The following PECR variants were observed in gnomAD, a reference collection of about 807,000 sequenced individuals.
PECR encodes the protein peroxisomal trans-2-enoyl-CoA reductase, also known as 2,4-dienoyl-CoA reductase-related protein.
Under a neutral mutation model 35.3 loss-of-function variants are expected in PECR, and 30 were observed. The observed-to-expected ratio is 0.85, with a 90% CI of 0.64 to 1.15. PECR has a LOEUF of 1.15. Ranked by LOEUF, PECR falls within the 50% of genes most tolerant of loss-of-function variation. PECR has a pLI of 0.00. For missense variants in PECR, 392 were observed against 370.8 expected, an observed-to-expected ratio of 1.06 and a Z score of -0.47; for synonymous variants, 148 against 138.9, an observed-to-expected ratio of 1.07 and a Z score of -0.46.
intron 1 of PECR, among the ~76,000 whole-genome samples, chr2:216,068,525 T>C (rs976269704): frequency 1.3e-5 from 2 of 152,098 alleles, no homozygotes; most frequent in Admixed American, 1.3e-4. Context: ...GCTGGAAGAA[T>C]TCATCAAGGT....
intron 1 of PECR, among the ~76,000 whole-genome samples, chr2:216,069,934 CA>C (rs35689726): frequency 1.8e-3 from 178 of 101,290 alleles, no homozygotes; most frequent in South Asian, 3.5e-3. Flanking sequence ...AAGACTCTGT[CA>C]AAAAAAAAAA....
chr2:216,058,015 C>A lies in PECR; in HGVS notation c.506+880G>T, dbSNP rs374976644. 6 of 152,330 alleles carry A rather than the reference C, an allele frequency of 3.9e-5. No individual in the cohort carries two copies. In the East Asian group the frequency reaches 9.6e-4, roughly 24 times the overall value. The allele number at this position is 152,330 out of a possible 1,614,324, so 9.4% of individuals were successfully genotyped here. A position where few individuals can be genotyped will look rare whatever the true frequency, so the allele number is the denominator to read the frequency against. On this transcript the variant is annotated intron_variant, in intron 4 of 7. Transcript: ENST00000265322. ...TAGAGACAGCCTGCCTGAGAATGTA[C>A]GCAGACATGAAGAAAGCAAAACCAA...
Position 216,044,020 on chromosome 2 carries a change from A to C in PECR, c.715-5T>G. 2.7e-6 allele frequency: 4 copies of C among 1,493,714 alleles called. No homozygotes were observed. The highest frequency in any genetic ancestry group is 3.7e-6 in the Non-Finnish European group (4 of 1,070,040). 92.5% of individuals were successfully genotyped at this position (1,493,714 alleles called of 1,614,324 possible). A position where few individuals can be genotyped will look rare whatever the true frequency, so the allele number is the denominator to read the frequency against. ...GAAGCAGACCACAGAGGAGACCTGG[A>C]AACAGAAACACACATGTGCATAGGT... On this transcript the variant is annotated splice_region_variant and splice_polypyrimidine_tract_variant and intron_variant, in intron 6 of 7. Coordinates refer to ENST00000265322, the MANE Select transcript of PECR (RefSeq NM_018441.6).
intron 7 of PECR, 75 bp from the exon 8 acceptor site, chr2:216,039,435 T>C: frequency 2.4e-6 from 2 of 839,262 alleles, no homozygotes; most frequent in South Asian, 2.6e-5. Context: ...AATCCTCTTG[T>C]TAATTTCCCT....
At chr2:216,058,708 T>A (rs1308193546) in intron 4 of PECR, among the ~76,000 whole-genome samples, 187 bp downstream of exon 4, 1 of 152,180 alleles carries the variant, frequency 6.6e-6, no homozygotes, top group African/African-American at 2.4e-5. Context: ...GCAGTCCGCA[T>A]CTGGATGAAA....
intron 5 of PECR, among the ~76,000 whole-genome samples, chr2:216,050,541 C>T (rs961107230): frequency 1.3e-5 from 2 of 152,182 alleles, no homozygotes; most frequent in African/African-American, 2.4e-5. Context: ...TAACTTCATG[C>T]TTGAAGTCAG....
chr2:216,045,794 G>A (rs1470237088), intron 6 of PECR, among the ~76,000 whole-genome samples: 2 of 152,202 alleles, frequency 1.3e-5, no homozygotes, highest in African/African-American at 4.8e-5. Flanking sequence ...TTGCTCCAAT[G>A]AGCTCCTTTC....
rs1328029757 is a variant in PECR at position 216,039,193 on chromosome 2, A to T, written c.*82T>A. ...AATAAGAAAAATGTTTTCCATACCA[A>T]CTATAAGCTTTTAAAAAGTACAGAA... On this transcript the variant is annotated 3_prime_UTR_variant, in exon 8 of 8. Transcript: ENST00000265322. The T allele has an allele frequency of 1.2e-5, 10 of 813,286 alleles. No homozygotes were observed. Among genetic ancestry groups the T allele is most frequent in the Middle Eastern group, 2.2e-4 (1 of 4,490 alleles). 50.4% of individuals were successfully genotyped at this position (813,286 alleles called of 1,614,324 possible).
chr2:216,053,615 C>G (rs1483280655), intron 4 of PECR, among the ~76,000 whole-genome samples: 1 of 152,144 alleles, frequency 6.6e-6, no homozygotes, highest in African/African-American at 2.4e-5. Context: ...AATCCAAAAT[C>G]TGAAATGCTC....
At chr2:216,044,121 G>A (rs1157390463) in intron 6 of PECR, 106 bp from the exon 7 acceptor site, 5 of 698,626 alleles carry the variant, frequency 7.2e-6, no homozygotes, top group Non-Finnish European at 1.3e-5. Flanking sequence ...ATTGTAACAT[G>A]AATCCAACAG....
rs778081139 is a variant in PECR, at chr2:216,066,472, A to G, written c.171T>C (p.Ser57=). Residue 57 remains serine, a synonymous_variant, in exon 2 of 8, where the codon TCT becomes TCC. Transcript: ENST00000265322. ...GGTTGGCCTGCAGTTCATCTGCCGC[A>G]GACTTCAATCTCTCCAACTTACGGG... ...IASRKLERLK[S]AADELQANLP... is the part of the protein sequence containing the mutation. The G allele has an allele frequency of 3.7e-6, 6 of 1,613,660 alleles. No homozygotes were observed. The highest frequency in any genetic ancestry group is 2.7e-5 in the African/African-American group (2 of 74,926).
chr2:216,030,942 TCTCTCTCTCTCTCTCACACA>T (rs1339499403), intron 7 of PECR, among the ~76,000 whole-genome samples: 798 of 61,270 alleles, frequency 0.013, 4 homozygotes, highest in African/African-American at 0.03. Flanking sequence ...TCTCTCTCTC[TCTCTCTCTCTCTCTCACACA>T]CACACACACA....
intron 7 of PECR, among the ~76,000 whole-genome samples, chr2:216,040,469 G>A (rs530242096): frequency 2.0e-5 from 3 of 152,252 alleles, no homozygotes; most frequent in South Asian, 2.1e-4. Context: ...GCCCAGGCTG[G>A]TCTTGAATTC....
At chr2:216,040,541 A>G (rs997625503) in intron 7 of PECR, among the ~76,000 whole-genome samples, 2 of 151,888 alleles carry the variant, frequency 1.3e-5, no homozygotes, top group African/African-American at 2.4e-5. Context: ...GGTGTGAGCC[A>G]TGGTGCCCAG....
intron 1 of PECR, 102 bp downstream of exon 1, chr2:216,081,516 G>T: frequency 6.9e-7 from 1 of 1,451,738 alleles, no homozygotes; most frequent in Non-Finnish European, 9.7e-7. Flanking sequence ...TTGCTCTGCA[G>T]CTCCACACTC....
At chr2:216,075,009 T>C (rs1448111660) in intron 1 of PECR, among the ~76,000 whole-genome samples, 2 of 152,196 alleles carry the variant, frequency 1.3e-5, no homozygotes, top group African/African-American at 2.4e-5. Context: ...GGGCCAGGCA[T>C]GGTGACTCAT....
At chr2:216,045,254 C>T (rs1694968658) in intron 6 of PECR, among the ~76,000 whole-genome samples, 1 of 152,204 alleles carries the variant, frequency 6.6e-6, no homozygotes, top group Non-Finnish European at 1.5e-5. Flanking sequence ...TCCTTGTATT[C>T]CCAGCAGCTA....
intron 7 of PECR, among the ~76,000 whole-genome samples, chr2:216,030,724 TC>T (rs1694667037): frequency 9.1e-6 from 1 of 110,072 alleles, no homozygotes; most frequent in East Asian, 2.6e-4. Context: ...TGTATTTCTT[TC>T]TTTCTTTTTT....
intron 7 of PECR, among the ~76,000 whole-genome samples, chr2:216,043,051 ACACATACG>A (rs1274584323): frequency 2.4e-5 from 3 of 126,928 alleles, no homozygotes; most frequent in Middle Eastern, 3.8e-3. Flanking sequence ...ATATATATAT[ACACATACG>A]TATATATGTA....
Sources: gnomAD v4.1 joint callset for allele counts (sites outside exome capture counted in the v4.1 genomes callset) on GRCh38, gnomAD v4.1.1 for gene constraint, MANE v1.5 for transcripts, NCBI Gene and HGNC (gene_info 2026-07-23, HGNC 2026-07-21) for gene names.